The following CAMK1D variants were observed in gnomAD, a reference collection of about 807,000 sequenced individuals.
CAMK1D encodes calcium/calmodulin dependent protein kinase ID, also known as calcium/calmodulin-dependent protein kinase type 1D.
A neutral mutation model predicts 47.7 loss-of-function variants in CAMK1D; 9 were observed. That is an observed-to-expected ratio of 0.19 (90% CI 0.11 to 0.33). The LOEUF (loss-of-function observed/expected upper bound fraction) is 0.33, where lower values mean the gene tolerates loss of function less well. Among genes scored for constraint, CAMK1D ranks in the 10% least tolerant of loss-of-function variants. The probability of loss-of-function intolerance (pLI) is 1.00; values close to 1 mark genes in which losing one functional copy is unlikely to be tolerated. For missense variants in CAMK1D, 291 were observed against 488.7 expected, an observed-to-expected ratio of 0.60 and a Z score of 3.81; for synonymous variants, 184 against 184.9, an observed-to-expected ratio of 0.99 and a Z score of 0.04.
intron 1 of CAMK1D, among the ~76,000 whole-genome samples, chr10:12,426,042 G>A (rs909337659): frequency 1.3e-5 from 2 of 152,122 alleles, no homozygotes; most frequent in African/African-American, 2.4e-5. Flanking sequence ...GCTGATCTTG[G>A]TATTATTTTA....
At chr10:12,561,012 C>T (rs1256238538) in intron 2 of CAMK1D, among the ~76,000 whole-genome samples, 2 of 151,948 alleles carry the variant, frequency 1.3e-5, no homozygotes, top group African/African-American at 2.4e-5. Context: ...CTCCCAGCTT[C>T]ACGCCATTCT....
chr10:12,799,521 T>C (rs1046804973), intron 6 of CAMK1D, among the ~76,000 whole-genome samples: 1 of 152,182 alleles, frequency 6.6e-6, no homozygotes, highest in African/African-American at 2.4e-5. Flanking sequence ...GAAATCTAAC[T>C]TGGAAATTCT....
intron 1 of CAMK1D, among the ~76,000 whole-genome samples, chr10:12,481,131 G>A (rs919064126): frequency 2.0e-5 from 3 of 152,138 alleles, no homozygotes; most frequent in East Asian, 1.9e-4. Context: ...TAATTAAATT[G>A]TTACCAGCCA....
rs574735247 is a variant in CAMK1D, at chr10:12,437,708, G to A, written c.92+87798G>A. On this transcript the variant is annotated intron_variant, in intron 1 of 10. Coordinates refer to ENST00000619168, the MANE Select transcript of CAMK1D (RefSeq NM_153498.4). The stretch of plus-strand genomic sequence containing the variant: ...TAGTTTACATTAGGGCTCACTCTTG[G>A]TGTTGCATATTCTATGGATTTGGAC... Among the ~76,000 whole-genome samples, 15 of 152,222 alleles carry A rather than the reference G, an allele frequency of 9.9e-5. No individual in the cohort carries two copies. The South Asian group carries it at 3.1e-3, about 32-fold the overall frequency.
chr10:12,642,870 T>C (rs1301795531), intron 2 of CAMK1D, among the ~76,000 whole-genome samples: 1 of 152,164 alleles, frequency 6.6e-6, no homozygotes, highest in East Asian at 1.9e-4. Context: ...TGAGATAAAA[T>C]ATATGTAAAA....
intron 4 of CAMK1D, among the ~76,000 whole-genome samples, chr10:12,765,666 A>C (rs962539883): frequency 9.9e-5 from 15 of 152,250 alleles, no homozygotes; most frequent in Non-Finnish European, 2.1e-4. Context: ...TCTCACGCCA[A>C]GGAAATCAAG....
At chr10:12,815,903 C>G (rs1832773485) in intron 7 of CAMK1D, among the ~76,000 whole-genome samples, 1 of 152,222 alleles carries the variant, frequency 6.6e-6, no homozygotes, top group African/African-American at 2.4e-5. Context: ...GTCACCAAAA[C>G]AGTTCTCTAA....
chr10:12,435,076 G>T (rs1424878757), intron 1 of CAMK1D, among the ~76,000 whole-genome samples: 4 of 151,928 alleles, frequency 2.6e-5, no homozygotes, highest in Non-Finnish European at 5.9e-5. Flanking sequence ...AAATTAGCTA[G>T]GTGTGGTGGT....
chr10:12,461,293 G>A (rs1833414589), intron 1 of CAMK1D, among the ~76,000 whole-genome samples: 1 of 152,186 alleles, frequency 6.6e-6, no homozygotes, highest in South Asian at 2.1e-4. Context: ...TTCTAGGCAG[G>A]AAATAAGAAT....
At chr10:12,520,967 G>GGGGAGGGGGAGGGAGAGGGAGA (rs1564387952) in intron 1 of CAMK1D, among the ~76,000 whole-genome samples, 3 of 24,580 alleles carry the variant, frequency 1.2e-4, no homozygotes, top group African/African-American at 5.0e-4. Flanking sequence ...GGAGGGGGAG[G>GGGGAGGGGGAGGGAGAGGGAGA]GGGAGAGCTT....
chr10:12,360,444 C>T (rs577441942), intron 1 of CAMK1D, among the ~76,000 whole-genome samples: 2 of 152,268 alleles, frequency 1.3e-5, no homozygotes, highest in East Asian at 3.9e-4. Context: ...GAGTGACCAG[C>T]AGGCCAGCGT....
Position 12,349,769 on chromosome 10 carries a change from C to T in CAMK1D, c.-50C>T. ...TGCGCCCGCGCCGCGCCCCCGGCGC[C>T]CCCTCCCCAGCGCGCCCCCGGCCGC... On this transcript the variant is annotated 5_prime_UTR_variant, in exon 1 of 11. Transcript: ENST00000619168. 1.1e-6 allele frequency: 1 copy of T among 943,712 alleles called. No homozygotes were observed. The highest frequency in any genetic ancestry group is 1.3e-6 in the Non-Finnish European group (1 of 746,770). 58.5% of individuals were successfully genotyped at this position (943,712 alleles called of 1,614,324 possible).
chr10:12,575,688 C>T (rs1048922814), intron 2 of CAMK1D, among the ~76,000 whole-genome samples: 9 of 152,186 alleles, frequency 5.9e-5, no homozygotes, highest in Non-Finnish European at 1.0e-4. Flanking sequence ...GACAGTTTGT[C>T]AGGCAGACAG....
chr10:12,779,952 G>C (rs557962157), intron 5 of CAMK1D, among the ~76,000 whole-genome samples: 1 of 152,220 alleles, frequency 6.6e-6, no homozygotes, highest in African/African-American at 2.4e-5. Flanking sequence ...GGAAGGAATC[G>C]TTCATTTCCT....
At chr10:12,351,660 G>A (rs1837358889) in intron 1 of CAMK1D, among the ~76,000 whole-genome samples, 1 of 152,184 alleles carries the variant, frequency 6.6e-6, no homozygotes, top group African/African-American at 2.4e-5. Context: ...CGGGGCTGCT[G>A]AGGCTCCAAG....
At chr10:12,816,965 G>T (rs186048697) in intron 8 of CAMK1D, among the ~76,000 whole-genome samples, 19 of 152,006 alleles carry the variant, frequency 1.2e-4, no homozygotes, top group African/African-American at 4.6e-4. Context: ...CACGTGGCTG[G>T]GGAGGCCTCA....
At chr10:12,695,923 A>G (rs1009671671) in intron 3 of CAMK1D, among the ~76,000 whole-genome samples, 5 of 151,964 alleles carry the variant, frequency 3.3e-5, no homozygotes, top group Non-Finnish European at 7.4e-5. Flanking sequence ...CTAAAAATAC[A>G]AAAAATTAGC....
chr10:12,371,612 T>C (rs1354520492), intron 1 of CAMK1D, among the ~76,000 whole-genome samples: 1 of 150,596 alleles, frequency 6.6e-6, no homozygotes, highest in African/African-American at 2.4e-5. Context: ...AAAAAAACTT[T>C]TTTGGCTAGG....
At chr10:12,711,687 C>T (rs1392948132) in intron 3 of CAMK1D, among the ~76,000 whole-genome samples, 3 of 152,268 alleles carry the variant, frequency 2.0e-5, no homozygotes, top group Admixed American at 6.5e-5. Context: ...CAGGGAAGGA[C>T]GCTCTGGCCC....
Sources: gnomAD v4.1 joint callset for allele counts (sites outside exome capture counted in the v4.1 genomes callset) on GRCh38, gnomAD v4.1.1 for gene constraint, MANE v1.5 for transcripts, NCBI Gene and HGNC (gene_info 2026-07-23, HGNC 2026-07-21) for gene names.